The following CAMK1D variants were observed in gnomAD, a reference collection of about 807,000 sequenced individuals.
CAMK1D encodes the protein calcium/calmodulin dependent protein kinase ID, also known as calcium/calmodulin-dependent protein kinase type 1D.
In CAMK1D, 9 loss-of-function variants were observed where a neutral mutation model predicts 47.7. The observed-to-expected ratio is 0.19, with a 90% CI of 0.11 to 0.33. The LOEUF is 0.33. CAMK1D is among the 10% of genes least tolerant of loss of function. The probability of loss-of-function intolerance (pLI) is 1.00; values close to 1 mark genes in which losing one functional copy is unlikely to be tolerated. For missense variants in CAMK1D, 291 were observed against 488.7 expected (o/e 0.60, Z 3.81); for synonymous variants, 184 against 184.9 (o/e 0.99, Z 0.04).
intron 1 of CAMK1D, among the ~76,000 whole-genome samples, chr10:12,362,717 A>G (rs1024424989): frequency 2.0e-5 from 3 of 152,022 alleles, no homozygotes; most frequent in Non-Finnish European, 2.9e-5. Flanking sequence ...TCACCGTGTT[A>G]GTCAGGATAG....
intron 2 of CAMK1D, among the ~76,000 whole-genome samples, chr10:12,627,577 T>A (rs1233218180): frequency 6.6e-6 from 1 of 152,190 alleles, no homozygotes; most frequent in African/African-American, 2.4e-5. Context: ...CAACCACTCA[T>A]CTGATTTGTA....
chr10:12,447,040 C>A (rs538259036), intron 1 of CAMK1D, among the ~76,000 whole-genome samples: 1 of 152,170 alleles, frequency 6.6e-6, no homozygotes, highest in Admixed American at 6.5e-5. Flanking sequence ...GACAACGTCT[C>A]CTTTTCTGGG....
intron 1 of CAMK1D, among the ~76,000 whole-genome samples, chr10:12,425,371 G>T (rs187923582): frequency 3.3e-5 from 5 of 150,588 alleles, no homozygotes; most frequent in African/African-American, 1.2e-4. Context: ...AACTTCTGGC[G>T]TCTAGGTTCC....
In CAMK1D at chr10:12,520,146, C is replaced by T. The variant is rs1263764779; in HGVS notation, c.93-33079C>T. Among the ~76,000 whole-genome samples, 6 of 76,186 alleles carry T rather than the reference C, an allele frequency of 7.9e-5. 3 individuals carry two copies. The highest frequency in any genetic ancestry group is 3.1e-4 in the African/African-American group (6 of 19,516). 50.0% of individuals were successfully genotyped at this position (76,186 alleles called of 152,430 possible). The stretch of plus-strand genomic sequence containing the variant: ...CTCACTTCCCAGATGGGGTGGCTGC[C>T]GGACGGAGGGGCTCCCCACTTCTCA... On this transcript the variant is annotated intron_variant, in intron 1 of 10. Coordinates refer to ENST00000619168, the MANE Select transcript of CAMK1D (RefSeq NM_153498.4).
rs1239671269 is a variant in CAMK1D, at chr10:12,829,593, C to G, written c.*706C>G. On this transcript the variant is annotated 3_prime_UTR_variant, in exon 11 of 11. Coordinates refer to ENST00000619168, the MANE Select transcript of CAMK1D (RefSeq NM_153498.4). Reference sequence around the variant, plus strand: ...CTAAAAATACAAAAAATTAGCCGGGCGTGGTGGCACACACCTGTAGTCCCG... The same window carrying G: ...CTAAAAATACAAAAAATTAGCCGGGGGTGGTGGCACACACCTGTAGTCCCG... 6.6e-6 allele frequency: 1 copy of G among 152,040 alleles called. No homozygotes were observed. Among genetic ancestry groups the G allele is most frequent in the East Asian group, 1.9e-4 (1 of 5,166 alleles). The allele number at this position is 152,040 out of a possible 1,614,324, so 9.4% of individuals were successfully genotyped here.
rs145218642 is a variant in CAMK1D at position 12,424,290 on chromosome 10, G to A, written c.92+74380G>A. Among the ~76,000 whole-genome samples, 182 of 152,176 alleles carry A rather than the reference G, an allele frequency of 1.2e-3. 2 individuals are homozygous for A. Among genetic ancestry groups the A allele is most frequent in the Admixed American group, 3.8e-3 (58 of 15,280 alleles). ...ATGTTCCCACCAAGTCTCTAGCTCC[G>A]TGTGGCCTGACATTCTCCTCTTGTC... On this transcript the variant is annotated intron_variant, in intron 1 of 10. Coordinates refer to ENST00000619168, the MANE Select transcript of CAMK1D (RefSeq NM_153498.4).
chr10:12,501,145 G>A (rs11257834), intron 1 of CAMK1D, among the ~76,000 whole-genome samples: 5,837 of 152,264 alleles, frequency 0.038, 326 homozygotes, highest in East Asian at 0.3. Context: ...GAAAACACAG[G>A]GAAAATGGAA....
intron 2 of CAMK1D, among the ~76,000 whole-genome samples, chr10:12,615,039 A>G (rs1166005228): frequency 6.6e-6 from 1 of 152,196 alleles, no homozygotes; most frequent in Non-Finnish European, 1.5e-5. Flanking sequence ...CAGGGTTGGA[A>G]GGGGCTGGGA....
intron 2 of CAMK1D, among the ~76,000 whole-genome samples, chr10:12,653,960 G>A (rs572886890): frequency 1.3e-5 from 2 of 152,228 alleles, no homozygotes; most frequent in East Asian, 3.9e-4. Flanking sequence ...TGTGAAATAT[G>A]GACCCTTCCA....
chr10:12,481,892 C>T (rs1047308282), intron 1 of CAMK1D, among the ~76,000 whole-genome samples: 2 of 152,194 alleles, frequency 1.3e-5, no homozygotes, highest in African/African-American at 4.8e-5. Context: ...TGGGCAATTA[C>T]AAGCAGCCCA....
chr10:12,365,164 C>T (rs911500371), intron 1 of CAMK1D, among the ~76,000 whole-genome samples: 3 of 151,946 alleles, frequency 2.0e-5, no homozygotes, highest in South Asian at 4.1e-4. Flanking sequence ...CCATGTTGGC[C>T]GGGCTGGTCT....
chr10:12,540,426 G>C (rs534962908), intron 1 of CAMK1D, among the ~76,000 whole-genome samples: 22 of 152,336 alleles, frequency 1.4e-4, no homozygotes, highest in African/African-American at 5.3e-4. Flanking sequence ...TAAACAAAGC[G>C]TGTGTTTTAG....
At chr10:12,780,890 C>T (rs1837462489) in intron 5 of CAMK1D, among the ~76,000 whole-genome samples, 1 of 152,192 alleles carries the variant, frequency 6.6e-6, no homozygotes, top group Admixed American at 6.5e-5. Context: ...CATTTTATCA[C>T]ACCGTGGGCT....
intron 2 of CAMK1D, among the ~76,000 whole-genome samples, chr10:12,654,173 T>C (rs1840056968): frequency 6.6e-6 from 1 of 152,228 alleles, no homozygotes; most frequent in South Asian, 2.1e-4. Context: ...GCACAGAGTA[T>C]GTGAAGGAAG....
chr10:12,615,544 A>G (rs1005834933), intron 2 of CAMK1D, among the ~76,000 whole-genome samples: 3 of 146,828 alleles, frequency 2.0e-5, no homozygotes, highest in South Asian at 2.1e-4. Context: ...GCATGTGTAC[A>G]TGTGTAGTTA....
At chr10:12,602,975 A>C (rs981098768) in intron 2 of CAMK1D, among the ~76,000 whole-genome samples, 1 of 150,598 alleles carries the variant, frequency 6.6e-6, no homozygotes, top group Non-Finnish European at 1.5e-5. Flanking sequence ...TAGTGGTGCG[A>C]TCTTGGCTCA....
At chr10:12,363,440 AGATGGGGT>A (rs372509218) in intron 1 of CAMK1D, among the ~76,000 whole-genome samples, 9 of 152,152 alleles carry the variant, frequency 5.9e-5, no homozygotes, top group African/African-American at 2.2e-4. Context: ...TTTTTAGTAC[AGATGGGGT>A]TTCACCACGT....
intron 2 of CAMK1D, among the ~76,000 whole-genome samples, chr10:12,572,146 C>T (rs1588647106): frequency 1.3e-5 from 2 of 151,246 alleles, no homozygotes; most frequent in African/African-American, 4.9e-5. Context: ...AAGTGGAAGA[C>T]TCTTGATTTG....
intron 1 of CAMK1D, among the ~76,000 whole-genome samples, chr10:12,432,465 T>G (rs534995571): frequency 7.1e-4 from 55 of 77,806 alleles, no homozygotes; most frequent in African/African-American, 1.3e-3. Flanking sequence ...ATGAATGAAT[T>G]AATAAATAAA....
Sources: gnomAD v4.1 joint callset for allele counts (sites outside exome capture counted in the v4.1 genomes callset) on GRCh38, gnomAD v4.1.1 for gene constraint, MANE v1.5 for transcripts, NCBI Gene and HGNC (gene_info 2026-07-23, HGNC 2026-07-21) for gene names.